The following ESR1 variants were observed in gnomAD, a reference collection of about 807,000 sequenced individuals.
ESR1 encodes estrogen receptor.
A neutral mutation model predicts 52.7 loss-of-function variants in ESR1; 12 were observed. The ratio of observed to expected loss-of-function variants is 0.23; its 90% CI spans 0.15 to 0.37. The LOEUF (loss-of-function observed/expected upper bound fraction) is 0.37. Among genes scored for constraint, ESR1 ranks in the 10% least tolerant of loss-of-function variants. The pLI is 1.00. For synonymous variants in ESR1, 305 were observed against 316.8 expected (o/e 0.96, Z 0.39); for missense variants, 584 against 779.7 (o/e 0.75, Z 2.99).
chr6:151,923,039 A>G (rs1012439489), intron 3 of ESR1, among the ~76,000 whole-genome samples: 5 of 152,168 alleles, frequency 3.3e-5, no homozygotes, highest in Non-Finnish European at 7.4e-5. Flanking sequence ...ATTTAATTCC[A>G]CTATACTTCT....
At chr6:151,762,182 T>C (rs1160979595) in intron 2 of ESR1, among the ~76,000 whole-genome samples, 1 of 152,206 alleles carries the variant, frequency 6.6e-6, no homozygotes, top group African/African-American at 2.4e-5. Context: ...TCATTCTAAC[T>C]TAAATGAAGG....
At chr6:151,844,490 T>C (rs964309717) in intron 2 of ESR1, among the ~76,000 whole-genome samples, 11 of 152,188 alleles carry the variant, frequency 7.2e-5, no homozygotes, top group African/African-American at 2.7e-4. Context: ...GCAAAGTTTT[T>C]CTGTAAAGGG....
intron 7 of ESR1, among the ~76,000 whole-genome samples, chr6:152,097,055 A>G (rs781298263): frequency 3.9e-4 from 60 of 152,202 alleles, no homozygotes; most frequent in African/African-American, 1.4e-3. Flanking sequence ...CACGTCTGGC[A>G]GAGGGCAGCA....
intron 4 of ESR1, among the ~76,000 whole-genome samples, chr6:151,971,269 C>A: frequency 6.6e-6 from 1 of 151,934 alleles, no homozygotes; most frequent in Non-Finnish European, 1.5e-5. Context: ...GTGGTGATTT[C>A]TGAGATTTTG....
At chr6:151,664,709 C>T (rs561893660) in intron 1 of ESR1, among the ~76,000 whole-genome samples, 1 of 152,276 alleles carries the variant, frequency 6.6e-6, no homozygotes, top group South Asian at 2.1e-4. Context: ...TCTAAATTTC[C>T]CTATTCCATG....
intron 2 of ESR1, among the ~76,000 whole-genome samples, chr6:151,866,398 T>C (rs148608738): frequency 6.6e-6 from 1 of 152,306 alleles, no homozygotes; most frequent in Non-Finnish European, 1.5e-5. Context: ...TACGTAGGTA[T>C]ACACGTGCCA....
At chr6:151,798,343 A>C (rs1263878077) in intron 2 of ESR1, among the ~76,000 whole-genome samples, 2 of 152,190 alleles carry the variant, frequency 1.3e-5, no homozygotes, top group African/African-American at 2.4e-5. Context: ...CAAATTCAGG[A>C]CAGGAAATGG....
At chr6:151,922,596 G>A (rs1049173958) in intron 3 of ESR1, among the ~76,000 whole-genome samples, 30 of 152,104 alleles carry the variant, frequency 2.0e-4, no homozygotes, top group African/African-American at 7.2e-4. Context: ...ACATATCATT[G>A]TAGGGTTTTT....
chr6:152,057,339 A>G (rs2047180549), intron 5 of ESR1, among the ~76,000 whole-genome samples: 1 of 152,216 alleles, frequency 6.6e-6, no homozygotes, highest in Non-Finnish European at 1.5e-5. Context: ...AATTTAGCAA[A>G]ACTATCATCA....
At chr6:151,745,514 T>G (rs1481583665) in intron 2 of ESR1, among the ~76,000 whole-genome samples, 2 of 152,198 alleles carry the variant, frequency 1.3e-5, no homozygotes, top group African/African-American at 4.8e-5. Context: ...ATGGGTAGAC[T>G]AACATTCACA....
At chr6:151,900,084 C>T (rs1280171977) in intron 3 of ESR1, among the ~76,000 whole-genome samples, 1 of 152,224 alleles carries the variant, frequency 6.6e-6, no homozygotes, top group Non-Finnish European at 1.5e-5. Flanking sequence ...GATCACGCCA[C>T]TGCACTCCAG....
At chr6:151,701,213 T>TG (rs1447316494) in intron 1 of ESR1, among the ~76,000 whole-genome samples, 7 of 146,222 alleles carry the variant, frequency 4.8e-5, no homozygotes, top group African/African-American at 1.8e-4. Flanking sequence ...GGCTGGGAGT[T>TG]TTTTTTTTTT....
At chr6:151,878,519 C>G (rs879464152) in intron 2 of ESR1, among the ~76,000 whole-genome samples, 1 of 152,280 alleles carries the variant, frequency 6.6e-6, no homozygotes, top group Admixed American at 6.5e-5. Context: ...CATTTCTTGT[C>G]AAGTCCTCAC....
chr6:152,112,069 G>C (rs1030618703), intron 6 of ESR1, among the ~76,000 whole-genome samples: 3 of 152,208 alleles, frequency 2.0e-5, no homozygotes, highest in African/African-American at 7.2e-5. Flanking sequence ...TGGAGGTTTG[G>C]ATGGAAAAGT....
At chr6:152,118,548 T>A (rs1345020720) in intron 6 of ESR1, 1 of 134,504 alleles carries the variant, frequency 7.4e-6, no homozygotes, top group African/African-American at 2.9e-5. Context: ...AGACGAACAA[T>A]GAGAACACAT....
In ESR1 at chr6:152,002,185, A is replaced by AGTGTGTGTGTGTGTGTGTGT. The variant is rs10578838; in HGVS notation, c.1097-9453_1097-9434dup. Among the ~76,000 whole-genome samples, 325 of 141,480 alleles carry AGTGTGTGTGTGTGTGTGTGT rather than the reference A, an allele frequency of 2.3e-3. 1 individual carries two copies. The highest frequency in any genetic ancestry group is 2.4e-3 in the Non-Finnish European group (157 of 64,310). The allele number at this position is 141,480 out of a possible 152,430, so 92.8% of individuals were successfully genotyped here. On this transcript the variant is annotated intron_variant, in intron 4 of 7. Coordinates refer to ENST00000206249, the MANE Select transcript of ESR1 (RefSeq NM_000125.4). The stretch of plus-strand genomic sequence containing the variant: ...AGGTGTTCCTCTAGATTTTAAATCA[A>AGTGTGTGTGTGTGTGTGTGT]GTGTGTGTGTGTGTGTGTGTGTGTG...
At chr6:151,949,855 A>G (rs2036136976) in intron 4 of ESR1, among the ~76,000 whole-genome samples, 1 of 152,200 alleles carries the variant, frequency 6.6e-6, no homozygotes, top group Non-Finnish European at 1.5e-5. Flanking sequence ...TCTTGAGAGT[A>G]TTTGAGAAAC....
At chr6:151,723,738 G>A (rs1286209317) in intron 2 of ESR1, among the ~76,000 whole-genome samples, 2 of 151,966 alleles carry the variant, frequency 1.3e-5, no homozygotes, top group African/African-American at 4.8e-5. Flanking sequence ...GCGTGGTGGA[G>A]CATTCCTGTA....
intron 5 of ESR1, among the ~76,000 whole-genome samples, chr6:152,048,514 T>G (rs2046417381): frequency 6.6e-6 from 1 of 152,206 alleles, no homozygotes; most frequent in African/African-American, 2.4e-5. Context: ...CTTTATTTTA[T>G]TTTAGCATTG....
Sources: gnomAD v4.1 joint callset for allele counts (sites outside exome capture counted in the v4.1 genomes callset) on GRCh38, gnomAD v4.1.1 for gene constraint, MANE v1.5 for transcripts, NCBI Gene and HGNC (gene_info 2026-07-23, HGNC 2026-07-21) for gene names.